Variants in ADAM18 observed in about 807,000 individuals in gnomAD.
ADAM18 encodes ADAM metallopeptidase domain 18.
A neutral mutation model predicts 94.4 loss-of-function variants in ADAM18; 117 were observed. That is an observed-to-expected ratio of 1.24 (90% CI 1.07 to 1.45). The LOEUF (loss-of-function observed/expected upper bound fraction) is 1.45. Ranked by LOEUF, ADAM18 falls within the 40% of genes most tolerant of loss-of-function variation. The pLI, the probability that ADAM18 is intolerant of heterozygous loss-of-function variation, is 0.00. For synonymous variants in ADAM18, 327 were observed against 291.6 expected (o/e 1.12, Z -1.24); for missense variants, 936 against 880.0 (o/e 1.06, Z -0.81).
At chr8:39,712,037 C>G (rs1563317132) in intron 18 of ADAM18, among the ~76,000 whole-genome samples, 1 of 144,348 alleles carries the variant, frequency 6.9e-6, no homozygotes, top group Non-Finnish European at 1.5e-5. Context: ...AGAAGGCCCC[C>G]CCCCGAGAAA....
chr8:39,683,650 GTTAA>G (rs1312952787), intron 16 of ADAM18, among the ~76,000 whole-genome samples: 1 of 152,064 alleles, frequency 6.6e-6, no homozygotes, highest in African/African-American at 2.4e-5. Context: ...TTCTTTAATG[GTTAA>G]TTATATTCAG....
At chr8:39,617,333 G>T (rs1212681679) in intron 6 of ADAM18, among the ~76,000 whole-genome samples, 1 of 152,048 alleles carries the variant, frequency 6.6e-6, no homozygotes, top group African/African-American at 2.4e-5. Context: ...TTACTAAAAA[G>T]AAAAAGTTAC....
chr8:39,680,098 G>A lies in ADAM18; in HGVS notation c.1693G>A (p.Ala565Thr), dbSNP rs145394319. ...QPHKNANKSD[A>T]QSTVYSYIQD... ...ACATAAAAATGCTAATAAAAGTGAC[G>A]CTCAATCTACAGTTTATTCATATAT... Residue 565 changes from alanine (A) to threonine (T), a missense_variant, in exon 16 of 20, where the codon GCT (alanine) becomes ACT (threonine). By Grantham distance (58) the Ala-to-Thr change is moderately conservative (BLOSUM62 0). Coordinates refer to ENST00000265707, the MANE Select transcript of ADAM18 (RefSeq NM_014237.3). 2.8e-4 allele frequency: 459 copies of A among 1,613,670 alleles called. 2 individuals carry two copies. The highest frequency in any genetic ancestry group is 2.0e-3 in the African/African-American group (152 of 75,006).
intron 2 of ADAM18, among the ~76,000 whole-genome samples, chr8:39,595,576 A>G (rs978187119): frequency 6.6e-5 from 10 of 152,178 alleles, no homozygotes; most frequent in Non-Finnish European, 1.5e-4. Flanking sequence ...GCTGGAGTAC[A>G]GTGGCATGAT....
intron 10 of ADAM18, among the ~76,000 whole-genome samples, chr8:39,644,649 T>C (rs1483466731): frequency 6.6e-6 from 1 of 152,118 alleles, no homozygotes; most frequent in African/African-American, 2.4e-5. Flanking sequence ...TTCTTCACTT[T>C]AGTCATTATA....
intron 10 of ADAM18, among the ~76,000 whole-genome samples, chr8:39,642,206 T>C (rs1178771471): frequency 3.9e-5 from 6 of 152,100 alleles, no homozygotes; most frequent in Non-Finnish European, 8.8e-5. Flanking sequence ...TCTCCCATTC[T>C]GTAGATAGTT....
chr8:39,660,121 A>G (rs1416548396), intron 12 of ADAM18, among the ~76,000 whole-genome samples: 2 of 152,144 alleles, frequency 1.3e-5, no homozygotes, highest in Admixed American at 1.3e-4. Context: ...TGAGAAAGGA[A>G]GTAAAACTTA....
intron 7 of ADAM18, 83 bp downstream of exon 7, chr8:39,629,522 C>A: frequency 3.3e-6 from 3 of 899,604 alleles, no homozygotes; most frequent in Non-Finnish European, 5.1e-6. Context: ...TTCCTGTCTT[C>A]TTCCTTTTCT....
intron 6 of ADAM18, among the ~76,000 whole-genome samples, chr8:39,625,949 G>A (rs370806312): frequency 2.0e-5 from 3 of 151,954 alleles, no homozygotes; most frequent in African/African-American, 4.8e-5. Flanking sequence ...GGATTTTTGC[G>A]TCTGTGCTCT....
chr8:39,718,352 A>G (rs1441919948), intron 18 of ADAM18, among the ~76,000 whole-genome samples: 5 of 151,620 alleles, frequency 3.3e-5, no homozygotes, highest in Non-Finnish European at 5.9e-5. Context: ...AGTGTGGCAT[A>G]TACATGTAAT....
chr8:39,690,307 C>T (rs1021842500), intron 16 of ADAM18, among the ~76,000 whole-genome samples: 1 of 151,800 alleles, frequency 6.6e-6, no homozygotes, highest in East Asian at 1.9e-4. Context: ...GAGGGGATTA[C>T]AGGAGCATGG....
intron 16 of ADAM18, among the ~76,000 whole-genome samples, chr8:39,684,881 T>C (rs1821567330): frequency 6.6e-6 from 1 of 152,212 alleles, no homozygotes; most frequent in Non-Finnish European, 1.5e-5. Context: ...CCGTAGATTC[T>C]AGACATTGTA....
rs185295572 is a variant in ADAM18, at chr8:39,657,242, A to G, written c.1231-6553A>G. 9.2e-5 allele frequency among the ~76,000 whole-genome samples: 14 copies of G among 152,334 alleles called. No homozygotes were observed. The East Asian group carries it at 2.7e-3, about 29-fold the overall frequency. On this transcript the variant is annotated intron_variant, in intron 12 of 19. Coordinates refer to ENST00000265707, the MANE Select transcript of ADAM18 (RefSeq NM_014237.3). The stretch of plus-strand genomic sequence containing the variant: ...AGTAAGTTAAAAAAATAAAACTATT[A>G]TAGACTGTTAAAAGTCAAGATCACA...
intron 2 of ADAM18, among the ~76,000 whole-genome samples, chr8:39,594,619 T>C (rs146919371): frequency 1.3e-5 from 2 of 152,084 alleles, no homozygotes; most frequent in East Asian, 1.9e-4. Flanking sequence ...GTCTTTTTTT[T>C]CATCGTATTT....
At chr8:39,688,209 T>G (rs1260825632) in intron 16 of ADAM18, among the ~76,000 whole-genome samples, 1 of 152,218 alleles carries the variant, frequency 6.6e-6, no homozygotes, top group East Asian at 1.9e-4. Flanking sequence ...TTAGTGATGA[T>G]GAACTTTTTT....
At position 39,730,060 on chromosome 8, in the gene ADAM18, C is replaced by G; in HGVS notation, c.*120C>G. 1 of 928,516 alleles carries G rather than the reference C, an allele frequency of 1.1e-6. No homozygotes were observed. The highest frequency in any genetic ancestry group is 1.5e-5 in the South Asian group (1 of 67,882). 57.5% of individuals were successfully genotyped at this position (928,516 alleles called of 1,614,324 possible). A position where few individuals can be genotyped will look rare whatever the true frequency, so the allele number is the denominator to read the frequency against. On this transcript the variant is annotated 3_prime_UTR_variant, in exon 20 of 20. Transcript: ENST00000265707. The stretch of plus-strand genomic sequence containing the variant: ...TTTTGGAAAATAAAGCCTGCGTGCC[C>G]TCCCATGTGCCTCCTCCAGTGCCTC...
chr8:39,668,208 T>C lies in ADAM18; in HGVS notation c.1525+12T>C, dbSNP rs746890182. On this transcript the variant is annotated intron_variant, in intron 14 of 19. Transcript: ENST00000265707. Reference sequence around the variant, plus strand: ...GATATTTGGAAAAGGTATTGCTCTTTCTTTCGTATTTATTTTACCTTACAT... The same window carrying C: ...GATATTTGGAAAAGGTATTGCTCTTCCTTTCGTATTTATTTTACCTTACAT... 1.7e-5 allele frequency: 28 copies of C among 1,612,492 alleles called. No homozygotes were observed. Among genetic ancestry groups the C allele is most frequent in the Non-Finnish European group, 2.4e-5 (28 of 1,178,566 alleles).
chr8:39,679,966 G>T, intron 15 of ADAM18, 71 bp from the exon 16 acceptor site: 1 of 1,407,370 alleles, frequency 7.1e-7, no homozygotes, highest in Non-Finnish European at 9.9e-7. Flanking sequence ...TTACCATTAT[G>T]CAGTACTCAC....
At chr8:39,675,450 C>T (rs910135138) in intron 14 of ADAM18, among the ~76,000 whole-genome samples, 2 of 152,182 alleles carry the variant, frequency 1.3e-5, no homozygotes, top group African/African-American at 2.4e-5. Context: ...ACGAAGTTCT[C>T]GTGCCATGGT....
Sources: gnomAD v4.1 joint callset for allele counts (sites outside exome capture counted in the v4.1 genomes callset) on GRCh38, gnomAD v4.1.1 for gene constraint, MANE v1.5 for transcripts, NCBI Gene and HGNC (gene_info 2026-07-23, HGNC 2026-07-21) for gene names.